The following MYO3B variants were observed in gnomAD, a reference collection of about 807,000 sequenced individuals.
MYO3B encodes myosin IIIB, also known as myosin-IIIb.
In MYO3B, 156 loss-of-function variants were observed where a neutral mutation model predicts 174.6. That is an observed-to-expected ratio of 0.89 (90% confidence interval 0.78 to 1.02). The LOEUF is 1.02. MYO3B is among the 50% of genes least tolerant of loss of function. MYO3B has a pLI of 0.00. For missense variants in MYO3B, 1,632 were observed against 1,639.4 expected (o/e 1.00, Z 0.08); for synonymous variants, 563 against 569.1 (o/e 0.99, Z 0.15).
At chr2:170,179,417 C>T (rs544159285) in intron 1 of MYO3B, among the ~76,000 whole-genome samples, 1 of 152,232 alleles carries the variant, frequency 6.6e-6, no homozygotes, top group East Asian at 1.9e-4. Context: ...TTGAATGTCC[C>T]CTCCAAAGAT....
intron 17 of MYO3B, 48 bp from the exon 18 acceptor site, chr2:170,401,433 G>A (rs2105795590): frequency 6.5e-7 from 1 of 1,543,246 alleles, no homozygotes; most frequent in East Asian, 2.3e-5. Flanking sequence ...CAGACTGACT[G>A]AATGAAGGTC....
At chr2:170,625,545 C>G (rs557347227) in intron 32 of MYO3B, among the ~76,000 whole-genome samples, 10 of 152,266 alleles carry the variant, frequency 6.6e-5, no homozygotes, top group Non-Finnish European at 1.2e-4. Flanking sequence ...TTTTGTGTCT[C>G]TATCTCCCTC....
intron 7 of MYO3B, among the ~76,000 whole-genome samples, chr2:170,287,158 T>A (rs1159472101): frequency 6.6e-6 from 1 of 152,204 alleles, no homozygotes; most frequent in East Asian, 1.9e-4. Context: ...TTCCATAGTT[T>A]GGCTATTGTG....
intron 32 of MYO3B, among the ~76,000 whole-genome samples, chr2:170,643,259 T>G (rs1028647081): frequency 6.6e-6 from 1 of 152,196 alleles, no homozygotes; most frequent in Admixed American, 6.5e-5. Flanking sequence ...AAAAAGTACT[T>G]TGCAAAACAA....
intron 8 of MYO3B, among the ~76,000 whole-genome samples, chr2:170,347,776 G>A (rs933219968): frequency 2.0e-5 from 3 of 152,062 alleles, no homozygotes; most frequent in Admixed American, 6.6e-5. Context: ...AATATTAACC[G>A]TCTAAAAGTG....
intron 1 of MYO3B, among the ~76,000 whole-genome samples, chr2:170,188,493 C>G (rs980995975): frequency 4.0e-5 from 6 of 151,842 alleles, no homozygotes; most frequent in Non-Finnish European, 7.4e-5. Flanking sequence ...CTTAATTCTG[C>G]CATTTTGTCA....
chr2:170,423,881 T>C (rs935548637), intron 22 of MYO3B, among the ~76,000 whole-genome samples: 1 of 152,116 alleles, frequency 6.6e-6, no homozygotes, highest in Non-Finnish European at 1.5e-5. Flanking sequence ...GCCCAGCCCA[T>C]AGCAAAAGCT....
intron 32 of MYO3B, among the ~76,000 whole-genome samples, chr2:170,562,162 T>C (rs1418045682): frequency 2.6e-5 from 4 of 152,194 alleles, no homozygotes; most frequent in Non-Finnish European, 5.9e-5. Context: ...TACTTTTAGC[T>C]CTCTGCAAAG....
chr2:170,484,732 G>A (rs2106023158), intron 25 of MYO3B, among the ~76,000 whole-genome samples: 1 of 152,210 alleles, frequency 6.6e-6, no homozygotes, highest in Admixed American at 6.5e-5. Context: ...TGAATATATG[G>A]CTTTTTTTTA....
At chr2:170,386,341 G>A in intron 13 of MYO3B, 69 bp downstream of exon 13, 8 of 1,333,998 alleles carry the variant, frequency 6.0e-6, no homozygotes, top group Non-Finnish European at 8.5e-6. Flanking sequence ...TTTGATAAAT[G>A]ATGGAAGTGC....
intron 32 of MYO3B, among the ~76,000 whole-genome samples, chr2:170,578,531 C>T (rs1692935436): frequency 2.0e-5 from 3 of 152,080 alleles, no homozygotes; most frequent in South Asian, 2.1e-4. Flanking sequence ...TCGAAAGCAT[C>T]GAAGGTAAAC....
chr2:170,607,874 T>G (rs1006675121), intron 32 of MYO3B, among the ~76,000 whole-genome samples: 2 of 152,226 alleles, frequency 1.3e-5, no homozygotes, highest in Non-Finnish European at 2.9e-5. Context: ...GAACAAAGCT[T>G]GTAGAAATCA....
intron 8 of MYO3B, among the ~76,000 whole-genome samples, chr2:170,360,691 G>A (rs977153125): frequency 6.6e-6 from 1 of 152,218 alleles, no homozygotes; most frequent in Non-Finnish European, 1.5e-5. Context: ...TTAAGAGGTC[G>A]TTAGGTCATG....
At chr2:170,333,251 A>G (rs2093924408) in intron 7 of MYO3B, among the ~76,000 whole-genome samples, 1 of 152,194 alleles carries the variant, frequency 6.6e-6, no homozygotes, top group African/African-American at 2.4e-5. Context: ...AACCTCAGAT[A>G]GCCACAGGCA....
At chr2:170,372,419 C>T (rs1329863740) in intron 9 of MYO3B, among the ~76,000 whole-genome samples, 1 of 152,138 alleles carries the variant, frequency 6.6e-6, no homozygotes, top group African/African-American at 2.4e-5. Flanking sequence ...TGTGCAAATT[C>T]ATCTTTTTAC....
chr2:170,405,061 G>A (rs2094501870), intron 20 of MYO3B, among the ~76,000 whole-genome samples: 2 of 152,274 alleles, frequency 1.3e-5, no homozygotes, highest in South Asian at 2.1e-4. Flanking sequence ...CTCATACTTA[G>A]TAAGCTTTCA....
chr2:170,343,948 T>C (rs1360236045), intron 8 of MYO3B: 4 of 152,252 alleles, frequency 2.6e-5, no homozygotes, highest in African/African-American at 9.6e-5. Context: ...AGAGTTAGGC[T>C]TTTATTTTTC....
At chr2:170,427,158 A>G (rs2094670190) in intron 22 of MYO3B, among the ~76,000 whole-genome samples, 1 of 152,226 alleles carries the variant, frequency 6.6e-6, no homozygotes, top group Admixed American at 6.5e-5. Flanking sequence ...CTCAGACACA[A>G]TTGTACTGAC....
chr2:170,270,196 A>C (rs1346247053), intron 7 of MYO3B, among the ~76,000 whole-genome samples: 1 of 152,190 alleles, frequency 6.6e-6, no homozygotes, highest in East Asian at 1.9e-4. Context: ...TATTATTTAA[A>C]TATTTTACAC....
Sources: allele counts gnomAD v4.1 joint callset (sites outside exome capture counted in the v4.1 genomes callset), GRCh38; gene constraint gnomAD v4.1.1; transcripts MANE v1.5; gene names NCBI Gene and HGNC (gene_info 2026-07-23, HGNC 2026-07-21).